The following ZNF804B variants were observed in gnomAD, a reference collection of about 807,000 sequenced individuals.
The protein encoded by ZNF804B is zinc finger protein 804B.
A neutral mutation model predicts 101.4 loss-of-function variants in ZNF804B; 80 were observed. That is an observed-to-expected ratio of 0.79 (90% CI 0.66 to 0.95). ZNF804B has a LOEUF of 0.95. Ranked by LOEUF, ZNF804B falls within the 40% of genes least tolerant of loss-of-function variation. ZNF804B has a pLI of 0.00. For missense variants in ZNF804B, 1,673 were observed against 1,561.9 expected, an observed-to-expected ratio of 1.07 and a Z score of -1.20; for synonymous variants, 622 against 558.8, an observed-to-expected ratio of 1.11 and a Z score of -1.59.
chr7:88,964,568 T>C (rs1217681483), intron 1 of ZNF804B, among the ~76,000 whole-genome samples: 6 of 151,446 alleles, frequency 4.0e-5, no homozygotes, highest in Non-Finnish European at 7.4e-5. Flanking sequence ...AGAGTTTCAA[T>C]TGGGAATGCT....
chr7:89,119,968 AT>A (rs5885656), intron 1 of ZNF804B, among the ~76,000 whole-genome samples: 96,879 of 150,124 alleles, frequency 0.65, 32,014 homozygotes, highest in African/African-American at 0.81. Context: ...TTATCTAAAT[AT>A]TTTTTTTTTT....
intron 1 of ZNF804B, among the ~76,000 whole-genome samples, chr7:88,964,552 G>GAATTTGACTATT (rs1793429502): frequency 6.6e-6 from 1 of 151,394 alleles, no homozygotes; most frequent in Non-Finnish European, 1.5e-5. Flanking sequence ...ATTGTTTTAT[G>GAATTTGACTATT]CATACAGAGT....
chr7:89,207,845 T>A (rs1788737651), intron 1 of ZNF804B, among the ~76,000 whole-genome samples: 1 of 152,166 alleles, frequency 6.6e-6, no homozygotes, highest in South Asian at 2.1e-4. Flanking sequence ...AAACTCTAGG[T>A]CAAGAATTCA....
intron 2 of ZNF804B, among the ~76,000 whole-genome samples, chr7:89,284,657 TG>T (rs1373665609): frequency 6.6e-6 from 1 of 152,104 alleles, no homozygotes; most frequent in Non-Finnish European, 1.5e-5. Context: ...AACTTTTATG[TG>T]GGGGCAGGAT....
At chr7:88,828,426 T>C (rs1791079978) in intron 1 of ZNF804B, among the ~76,000 whole-genome samples, 1 of 152,096 alleles carries the variant, frequency 6.6e-6, no homozygotes. Context: ...GACATGTTCA[T>C]GCAATGCAGG....
chr7:89,057,588 A>G (rs1460794480), intron 1 of ZNF804B, among the ~76,000 whole-genome samples: 2 of 152,100 alleles, frequency 1.3e-5, no homozygotes, highest in African/African-American at 4.8e-5. Flanking sequence ...AGTGGAATTT[A>G]CATTGTTTCT....
At chr7:89,220,116 CAT>C (rs145243022) in intron 2 of ZNF804B, among the ~76,000 whole-genome samples, 22,710 of 47,110 alleles carry the variant, frequency 0.48, 6,776 homozygotes, top group Non-Finnish European at 0.54. Flanking sequence ...TGTGTATATA[CAT>C]ATATATACGC....
chr7:89,205,997 C>A (rs2115663021), intron 1 of ZNF804B, among the ~76,000 whole-genome samples: 1 of 152,310 alleles, frequency 6.6e-6, no homozygotes, highest in Non-Finnish European at 1.5e-5. Context: ...AATCTCAATT[C>A]TTGACTTCTG....
chr7:89,049,954 G>A (rs185339842), intron 1 of ZNF804B, among the ~76,000 whole-genome samples: 32 of 152,292 alleles, frequency 2.1e-4, no homozygotes, highest in African/African-American at 7.2e-4. Context: ...GGAGGTTGCA[G>A]TGAGCTGAGA....
intron 1 of ZNF804B, among the ~76,000 whole-genome samples, chr7:89,205,317 A>G: frequency 6.6e-6 from 1 of 152,120 alleles, no homozygotes; most frequent in Admixed American, 6.6e-5. Context: ...TTCAAAACCA[A>G]TTATGCCTTC....
At chr7:88,901,626 TAG>T (rs1183194089) in intron 1 of ZNF804B, among the ~76,000 whole-genome samples, 1 of 151,242 alleles carries the variant, frequency 6.6e-6, no homozygotes, top group African/African-American at 2.4e-5. Flanking sequence ...GTGGTTATAT[TAG>T]AGAGAGAAAG....
chr7:88,853,205 C>A (rs1791471659), intron 1 of ZNF804B, among the ~76,000 whole-genome samples: 1 of 152,136 alleles, frequency 6.6e-6, no homozygotes, highest in Admixed American at 6.6e-5. Context: ...ATTAAAAAGT[C>A]AGTCTTTCAT....
intron 1 of ZNF804B, among the ~76,000 whole-genome samples, chr7:89,203,865 G>T (rs1788680632): frequency 6.6e-6 from 1 of 152,130 alleles, no homozygotes; most frequent in African/African-American, 2.4e-5. Context: ...TTAGGAGTTT[G>T]CAGGCCTGTG....
At chr7:89,228,027 T>C (rs1033745677) in intron 2 of ZNF804B, among the ~76,000 whole-genome samples, 12 of 152,220 alleles carry the variant, frequency 7.9e-5, no homozygotes, top group African/African-American at 2.9e-4. Flanking sequence ...TGGCGGGTTC[T>C]TGGTCTCACT....
intron 1 of ZNF804B, among the ~76,000 whole-genome samples, chr7:88,859,656 G>A (rs1791619678): frequency 2.0e-5 from 3 of 151,750 alleles, no homozygotes; most frequent in African/African-American, 7.3e-5. Context: ...AAATAATCAG[G>A]CCCATTAGGA....
At chr7:89,295,103 C>A (rs58745541) in intron 2 of ZNF804B, among the ~76,000 whole-genome samples, 1,587 of 152,192 alleles carry the variant, frequency 0.01, 25 homozygotes, top group African/African-American at 0.037. Context: ...ACCTTTCCTG[C>A]CTCTGCAATT....
intron 1 of ZNF804B, among the ~76,000 whole-genome samples, chr7:88,917,928 A>G (rs566004321): frequency 3.9e-5 from 6 of 152,326 alleles, no homozygotes; most frequent in Admixed American, 1.3e-4. Flanking sequence ...AAATTAGTCA[A>G]TATCTGAAAG....
At chr7:88,910,939 A>G (rs1792540548) in intron 1 of ZNF804B, among the ~76,000 whole-genome samples, 1 of 152,016 alleles carries the variant, frequency 6.6e-6, no homozygotes, top group South Asian at 2.1e-4. Flanking sequence ...AGAGTAATAA[A>G]TAATTGTATC....
At chr7:89,272,822 G>T (rs949594600) in intron 2 of ZNF804B, among the ~76,000 whole-genome samples, 2 of 151,942 alleles carry the variant, frequency 1.3e-5, no homozygotes, top group Non-Finnish European at 2.9e-5. Context: ...CAAAACAAGC[G>T]TTTAATTAAC....
Sources: gnomAD v4.1 joint callset for allele counts (sites outside exome capture counted in the v4.1 genomes callset) on GRCh38, gnomAD v4.1.1 for gene constraint, MANE v1.5 for transcripts, NCBI Gene and HGNC (gene_info 2026-07-23, HGNC 2026-07-21) for gene names.